The following WRAP73 variants were observed in gnomAD, a reference collection of about 807,000 sequenced individuals.
WRAP73 encodes WD repeat containing, antisense to TP73.
Under a neutral mutation model 59.6 loss-of-function variants are expected in WRAP73, and 55 were observed. That is an observed-to-expected ratio of 0.92 (90% CI 0.74 to 1.15). The LOEUF (loss-of-function observed/expected upper bound fraction) is 1.15. Among genes scored for constraint, WRAP73 ranks in the 50% most tolerant of loss-of-function variants. WRAP73 has a pLI of 0.00. For missense variants in WRAP73, 592 were observed against 608.1 expected (o/e 0.97, Z 0.28); for synonymous variants, 265 against 258.2 (o/e 1.03, Z -0.25).
In WRAP73 at chr1:3,631,321, G is replaced by A. The variant is rs899521317; in HGVS notation, c.1240+145C>T. On this transcript the variant is annotated intron_variant, in intron 11 of 11. Transcript: ENST00000270708. ...AGGGCAGCGGGTCCCCTGTGTGTCC[G>A]TCTTGAGGTTTACGCAAAGACTCTG... is the stretch of plus-strand genomic sequence containing the variant. The A allele has an allele frequency of 1.8e-5, 24 of 1,314,880 alleles. No individual in the cohort carries two copies. The African/African-American group carries it at 1.9e-4, about 11-fold the overall frequency. 81.5% of individuals were successfully genotyped at this position (1,314,880 alleles called of 1,614,324 possible). A position where few individuals can be genotyped will look rare whatever the true frequency, so the allele number is the denominator to read the frequency against.
At chr1:3,637,726 C>G (rs1570300034) in intron 4 of WRAP73, among the ~76,000 whole-genome samples, 1 of 152,092 alleles carries the variant, frequency 6.6e-6, no homozygotes, top group African/African-American at 2.4e-5. Flanking sequence ...CCCAGCTACT[C>G]AGGAGGCTGA....
At position 3,631,518 on chromosome 1, in the gene WRAP73, C is replaced by A; in HGVS notation, c.1188G>T (p.Arg396Ser). The A allele has an allele frequency of 1.2e-6, 2 of 1,609,850 alleles. No homozygotes were observed. Among genetic ancestry groups the A allele is most frequent in the Non-Finnish European group, 1.7e-6 (2 of 1,178,702 alleles). The part of the protein sequence containing the change: ...PRLAICTGGS[R>S]LYLWSPAGCM... Reference sequence around the variant, plus strand: ...AGCCCGCTGGGGACCACAGGTAGAGCCTGCTGCCTCCCGTGCAGATGGCCA... The same window carrying A: ...AGCCCGCTGGGGACCACAGGTAGAGACTGCTGCCTCCCGTGCAGATGGCCA... The change falls in exon 11 of 12, where the codon AGG (arginine) becomes AGT (serine). Residue 396 changes from arginine to serine, a missense_variant. Coordinates refer to ENST00000270708, the MANE Select transcript of WRAP73 (RefSeq NM_017818.4).
chr1:3,647,958 T>A (rs1200500490), intron 1 of WRAP73, among the ~76,000 whole-genome samples: 2 of 152,216 alleles, frequency 1.3e-5, no homozygotes, highest in Non-Finnish European at 2.9e-5. Flanking sequence ...TTGGACAATT[T>A]CCTCAAATTT....
intron 11 of WRAP73, 72 bp from the exon 12 acceptor site, chr1:3,631,189 TC>T: frequency 6.3e-7 from 1 of 1,598,178 alleles, no homozygotes; most frequent in Non-Finnish European, 8.5e-7. Context: ...CACCCCCTTG[TC>T]CTGCAGGCCA....
chr1:3,647,119 AC>A (rs1257538758), intron 2 of WRAP73: 1 of 449,968 alleles, frequency 2.2e-6, no homozygotes, highest in Non-Finnish European at 3.9e-6. Context: ...AGCTTTGGAC[AC>A]AGAAGAAAAC....
rs145464993 is a variant in WRAP73, at chr1:3,650,061, AGCAGGCTG to A, written c.-70_-63del. 0.46 allele frequency: 696,560 copies of A among 1,514,826 alleles called. 164,222 individuals carry two copies. Among genetic ancestry groups the A allele is most frequent in the Non-Finnish European group, 0.48 (543,597 of 1,129,202 alleles). The allele number at this position is 1,514,826 out of a possible 1,614,324, so 93.8% of individuals were successfully genotyped here. The stretch of plus-strand genomic sequence containing the variant: ...AAACCCGCGGGACCCCTGGGCGCGC[AGCAGGCTG>A]CAACAGCCGACGCCGGCCTCCGAGG... On this transcript the variant is annotated 5_prime_UTR_variant, in exon 1 of 12. Transcript: ENST00000270708.
chr1:3,637,678 C>A (rs1644601067), intron 4 of WRAP73, among the ~76,000 whole-genome samples: 1 of 152,102 alleles, frequency 6.6e-6, no homozygotes, highest in Non-Finnish European at 1.5e-5. Context: ...CCCATCTCTA[C>A]AAAATATCAG....
rs1253471158 is a variant in WRAP73, at chr1:3,632,258, T to C, written c.1003A>G (p.Met335Val). The C allele has an allele frequency of 1.9e-6, 3 of 1,614,166 alleles. No homozygotes were observed. The South Asian group carries it at 3.3e-5, about 18-fold the overall frequency. The change falls in exon 10 of 12, where the codon ATG becomes GTG. Residue 335 changes from methionine (M) to valine (V), a missense_variant. Transcript: ENST00000270708. ...TAGCTGTCAGGACTAAATGCCAGCATTCCTATGCCGATTTTCGGGTTTGCT... is the reference window on the plus strand; with the variant it reads ...TAGCTGTCAGGACTAAATGCCAGCACTCCTATGCCGATTTTCGGGTTTGCT... Reference protein sequence around the residue: ...DRANPKIGIGMLAFSPDSYFL... With the variant: ...DRANPKIGIGVLAFSPDSYFL...
chr1:3,633,258 C>G, intron 9 of WRAP73, 140 bp downstream of exon 9: 1 of 795,524 alleles, frequency 1.3e-6, no homozygotes, highest in Non-Finnish European at 2.1e-6. Context: ...AGCCAACAGG[C>G]TGAGGGGCAC....
At position 3,631,460 on chromosome 1, in the gene WRAP73, G is replaced by A. The variant is rs1280702050; in HGVS notation, c.1240+6C>T. ...GCCACGTCCGTGGCCTCGGGGATGT[G>A]CTTACCTTCCCCAGGCACCTGCACC... On this transcript the variant is annotated splice_donor_region_variant and intron_variant, in intron 11 of 11. Transcript: ENST00000270708. The A allele has an allele frequency of 1.9e-6, 3 of 1,587,110 alleles. No homozygotes were observed. In the South Asian group the frequency reaches 3.4e-5, roughly 18 times the overall value.
In WRAP73 at chr1:3,639,914, C is replaced by T. The variant is rs750656161; in HGVS notation, c.340-1092G>A. Among the ~76,000 whole-genome samples, 1 of 152,122 alleles carries T rather than the reference C, an allele frequency of 6.6e-6. No individual in the cohort carries two copies. The highest frequency in any genetic ancestry group is 2.1e-4 in the South Asian group (1 of 4,830). ...CCGTCTCCAGCAGCGTAAGTGGGGCCGCAGCGTGTGGGGCACAGCATGTCC... is the reference window on the plus strand; with the variant it reads ...CCGTCTCCAGCAGCGTAAGTGGGGCTGCAGCGTGTGGGGCACAGCATGTCC... On this transcript the variant is annotated intron_variant, in intron 3 of 11. Coordinates refer to ENST00000270708, the MANE Select transcript of WRAP73 (RefSeq NM_017818.4). The surrounding 1 kb of genome is among the most constrained non-coding windows in gnomAD (Gnocchi z 4.3).
chr1:3,633,606 T>A, intron 8 of WRAP73, 103 bp from the exon 9 acceptor site: 1 of 884,110 alleles, frequency 1.1e-6, no homozygotes, highest in Non-Finnish European at 1.7e-6. Flanking sequence ...CAGGTGTGCC[T>A]GCCATGACAG....
chr1:3,631,395 A>G (rs1644531203), intron 11 of WRAP73, 71 bp downstream of exon 11: 1 of 1,513,710 alleles, frequency 6.6e-7, no homozygotes, highest in Non-Finnish European at 9.0e-7. Flanking sequence ...GGGCTTCAAC[A>G]GTTCAGCCCG....
intron 4 of WRAP73, among the ~76,000 whole-genome samples, chr1:3,637,990 T>G (rs1644603849): frequency 2.0e-5 from 3 of 152,214 alleles, no homozygotes; most frequent in Admixed American, 2.0e-4. Flanking sequence ...CGGTGTCCAC[T>G]CCTATCAAGA....
rs372310565 is a variant in WRAP73 at position 3,638,688 on chromosome 1, C to T, written c.412+62G>A. The T allele has an allele frequency of 3.3e-5, 53 of 1,592,826 alleles. No homozygotes were observed. The African/African-American group carries it at 6.9e-4, about 21-fold the overall frequency. Reference sequence around the variant, plus strand: ...GCTACTTCTGCCTCTTTGAAACTTCCCGTGACAAAAAAGTCAAACAGCTGC... The same window carrying T: ...GCTACTTCTGCCTCTTTGAAACTTCTCGTGACAAAAAAGTCAAACAGCTGC... On this transcript the variant is annotated intron_variant, in intron 4 of 11. Transcript: ENST00000270708.
At position 3,632,182 on chromosome 1, in the gene WRAP73, G is replaced by C. The variant is rs769651584; in HGVS notation, c.1048+31C>G. 2.6e-5 allele frequency: 41 copies of C among 1,599,684 alleles called. No individual in the cohort carries two copies. The South Asian group carries it at 4.3e-4, about 17-fold the overall frequency. ...CTGGGGCCACAGGACACAGTAAAGG[G>C]TGAGACAGCACCTGCGTCAGCACAA... is the stretch of plus-strand genomic sequence containing the variant. On this transcript the variant is annotated intron_variant, in intron 10 of 11. Transcript: ENST00000270708.
In WRAP73 at chr1:3,631,452, G is replaced by A. The variant is rs371428501; in HGVS notation, c.1240+14C>T. Reference sequence around the variant, plus strand: ...GCAAGGCTGCCACGTCCGTGGCCTCGGGGATGTGCTTACCTTCCCCAGGCA... The same window carrying A: ...GCAAGGCTGCCACGTCCGTGGCCTCAGGGATGTGCTTACCTTCCCCAGGCA... On this transcript the variant is annotated intron_variant, in intron 11 of 11. Transcript: ENST00000270708. 4.2e-5 allele frequency: 67 copies of A among 1,577,782 alleles called. No homozygotes were observed. The highest frequency in any genetic ancestry group is 1.9e-4 in the East Asian group (8 of 42,984).
In WRAP73 at chr1:3,633,233, C is replaced by A. The variant is rs188211711; in HGVS notation, c.922+165G>T. The A allele has an allele frequency of 5.7e-6, 4 of 700,006 alleles. No individual in the cohort carries two copies. In the East Asian group the frequency reaches 1.0e-4, roughly 18 times the overall value. 43.4% of individuals were successfully genotyped at this position (700,006 alleles called of 1,614,324 possible). A position where few individuals can be genotyped will look rare whatever the true frequency, so the allele number is the denominator to read the frequency against. On this transcript the variant is annotated intron_variant, in intron 9 of 11. Coordinates refer to ENST00000270708, the MANE Select transcript of WRAP73 (RefSeq NM_017818.4). Reference sequence around the variant, plus strand: ...TTCACGGCCCACTGCGCAATTCAGACCCTAGTCAACCTCCAGCCAACAGGC... The same window carrying A: ...TTCACGGCCCACTGCGCAATTCAGAACCTAGTCAACCTCCAGCCAACAGGC...
In WRAP73 at chr1:3,635,280, C is replaced by T. The variant is rs1644579300; in HGVS notation, c.618G>A (p.Leu206=). The change falls in exon 7 of 12, where the codon CTG becomes CTA. Residue 206 remains leucine, a synonymous_variant. Coordinates refer to ENST00000270708, the MANE Select transcript of WRAP73 (RefSeq NM_017818.4). ...ACAACAACCGGCCATCCAATGAGTA[C>T]AGCAGAATCTTGTACTGCAGATGAG... ...WDTCLEYKIL[L]YSLDGRLLST... 6.2e-7 allele frequency: 1 copy of T among 1,613,934 alleles called. No homozygotes were observed. Among genetic ancestry groups the T allele is most frequent in the Non-Finnish European group, 8.5e-7 (1 of 1,180,038 alleles).
Sources: allele counts gnomAD v4.1 joint callset (sites outside exome capture counted in the v4.1 genomes callset), GRCh38; gene constraint gnomAD v4.1.1; non-coding constraint Gnocchi (gnomAD v3.1); transcripts MANE v1.5; gene names NCBI Gene and HGNC (gene_info 2026-07-23, HGNC 2026-07-21).